The following GALNT13 variants were observed in gnomAD, a reference collection of about 807,000 sequenced individuals.
GALNT13 encodes the protein polypeptide N-acetylgalactosaminyltransferase 13.
In GALNT13, 28 loss-of-function variants were observed where a neutral mutation model predicts 64.2. The ratio of observed to expected loss-of-function variants is 0.44; its 90% CI spans 0.32 to 0.60. The LOEUF (loss-of-function observed/expected upper bound fraction) is 0.60, where lower values mean the gene tolerates loss of function less well. Among genes scored for constraint, GALNT13 ranks in the 20% least tolerant of loss-of-function variants. The pLI is 0.05. For synonymous variants in GALNT13, 214 were observed against 224.6 expected (o/e 0.95, Z 0.42); for missense variants, 577 against 669.8 (o/e 0.86, Z 1.53).
chr2:154,290,627 T>C (rs926300386), intron 8 of GALNT13, among the ~76,000 whole-genome samples: 1 of 152,202 alleles, frequency 6.6e-6, no homozygotes, highest in Non-Finnish European at 1.5e-5. Context: ...ATTTAGAAGC[T>C]GGGCCAATCC....
intron 4 of GALNT13, among the ~76,000 whole-genome samples, chr2:154,210,232 T>C (rs973997257): frequency 2.4e-4 from 36 of 152,194 alleles, no homozygotes; most frequent in African/African-American, 8.4e-4. Context: ...TATCCACTCA[T>C]CCATTGATGG....
At chr2:154,011,388 T>C (rs985216882) in intron 3 of GALNT13, among the ~76,000 whole-genome samples, 1 of 152,184 alleles carries the variant, frequency 6.6e-6, no homozygotes, top group Non-Finnish European at 1.5e-5. Flanking sequence ...TGTATGGTTT[T>C]GAGTGATCTT....
At chr2:153,131,742 A>T in the GALNT13 span, among the ~76,000 whole-genome samples, 1 of 152,196 alleles carries the variant, frequency 6.6e-6, no homozygotes, top group Admixed American at 6.5e-5. Context: ...CTGGGAAAAG[A>T]TATACTTTAA....
the GALNT13 span, among the ~76,000 whole-genome samples, chr2:153,573,931 A>G: frequency 6.6e-6 from 1 of 152,018 alleles, no homozygotes; most frequent in African/African-American, 2.4e-5. Context: ...AGCATAACCA[A>G]TAAGTTTTGT....
At chr2:153,151,226 A>G in the GALNT13 span, among the ~76,000 whole-genome samples, 1 of 152,078 alleles carries the variant, frequency 6.6e-6, no homozygotes. Flanking sequence ...AGACACATGA[A>G]AAAATGCTAA....
the GALNT13 span, among the ~76,000 whole-genome samples, chr2:153,620,057 A>G: frequency 2.6e-5 from 4 of 151,926 alleles, no homozygotes; most frequent in South Asian, 2.1e-4. Context: ...ATCTTTCTCT[A>G]TCTCTTCTTT....
chr2:153,677,998 G>A, the GALNT13 span, among the ~76,000 whole-genome samples: 1 of 151,596 alleles, frequency 6.6e-6, no homozygotes, highest in Admixed American at 6.6e-5. Flanking sequence ...GGCTCCAAAA[G>A]GACTTGCAAC....
At chr2:154,145,201 G>T (rs1178328135) in intron 4 of GALNT13, among the ~76,000 whole-genome samples, 3 of 149,106 alleles carry the variant, frequency 2.0e-5, no homozygotes, top group Non-Finnish European at 4.5e-5. Flanking sequence ...GCTGTAACCA[G>T]CCCTCTCTCT....
the GALNT13 span, among the ~76,000 whole-genome samples, chr2:153,071,989 T>C: frequency 6.6e-6 from 1 of 152,186 alleles, no homozygotes; most frequent in African/African-American, 2.4e-5. Flanking sequence ...AACTAGCTCG[T>C]CTCTGTTTCC....
At chr2:153,756,431 T>G in the GALNT13 span, among the ~76,000 whole-genome samples, 1 of 152,128 alleles carries the variant, frequency 6.6e-6, no homozygotes, top group Admixed American at 6.6e-5. Context: ...CATAGCTATT[T>G]TATAAAATCA....
At chr2:154,320,750 G>A (rs940145705) in intron 9 of GALNT13, among the ~76,000 whole-genome samples, 1 of 152,134 alleles carries the variant, frequency 6.6e-6, no homozygotes, top group African/African-American at 2.4e-5. Context: ...AAAGGCTGAA[G>A]AAGGCTCTTT....
At chr2:153,778,831 T>C in the GALNT13 span, among the ~76,000 whole-genome samples, 41 of 152,330 alleles carry the variant, frequency 2.7e-4, 1 homozygote, top group Admixed American at 2.7e-3. Flanking sequence ...AATGTAACCA[T>C]CACCCAAATA....
chr2:153,589,012 C>G, the GALNT13 span, among the ~76,000 whole-genome samples: 1 of 152,036 alleles, frequency 6.6e-6, no homozygotes, highest in Admixed American at 6.6e-5. Flanking sequence ...ACTAAAAATA[C>G]AAAATTAGCC....
At chr2:154,342,738 A>G (rs1421628383) in intron 9 of GALNT13, among the ~76,000 whole-genome samples, 1 of 152,004 alleles carries the variant, frequency 6.6e-6, no homozygotes, top group African/African-American at 2.4e-5. Flanking sequence ...GGCCCTTTAC[A>G]GACAAATTTG....
chr2:153,556,016 A>AT, the GALNT13 span, among the ~76,000 whole-genome samples: 69 of 152,278 alleles, frequency 4.5e-4, 1 homozygote, highest in Admixed American at 7.2e-4. Flanking sequence ...ATGGATGATC[A>AT]TTTTTTTCTC....
intron 4 of GALNT13, among the ~76,000 whole-genome samples, chr2:154,169,275 G>A (rs1218258699): frequency 2.0e-5 from 3 of 152,114 alleles, no homozygotes; most frequent in Admixed American, 6.6e-5. Flanking sequence ...ACAAATATCT[G>A]AGTATTTTAG....
intron 11 of GALNT13, among the ~76,000 whole-genome samples, chr2:154,431,616 A>G (rs189806880): frequency 5.2e-4 from 79 of 152,354 alleles, no homozygotes; most frequent in African/African-American, 1.7e-3. Context: ...CCATACATGT[A>G]CGTGAAAAAG....
At chr2:153,345,709 CTCT>C in the GALNT13 span, among the ~76,000 whole-genome samples, 272 of 115,726 alleles carry the variant, frequency 2.4e-3, 7 homozygotes, top group Admixed American at 5.1e-3. Context: ...CTTTCTCTTT[CTCT>C]CTTTCTGTCC....
the GALNT13 span, among the ~76,000 whole-genome samples, chr2:153,144,969 CATA>C: frequency 6.6e-6 from 1 of 151,770 alleles, no homozygotes; most frequent in Admixed American, 6.6e-5. Context: ...ACAAATAGTG[CATA>C]ATATGTACTA....
Sources: gnomAD v4.1 joint callset for allele counts (sites outside exome capture counted in the v4.1 genomes callset) on GRCh38, gnomAD v4.1.1 for gene constraint, MANE v1.5 for transcripts, NCBI Gene and HGNC (gene_info 2026-07-23, HGNC 2026-07-21) for gene names.